Variants in ZFPM1 observed in about 807,000 individuals in gnomAD.
The protein encoded by ZFPM1 is zinc finger protein ZFPM1.
Under a neutral mutation model 46.3 loss-of-function variants are expected in ZFPM1, and 28 were observed. That is an observed-to-expected ratio of 0.60 (90% CI 0.45 to 0.83). The LOEUF (loss-of-function observed/expected upper bound fraction) is 0.83, where lower values mean the gene tolerates loss of function less well. Ranked by LOEUF, ZFPM1 falls within the 40% of genes least tolerant of loss-of-function variation. The probability of loss-of-function intolerance (pLI) is 0.00; values close to 1 mark genes in which losing one functional copy is unlikely to be tolerated. For synonymous variants in ZFPM1, 957 were observed against 675.9 expected, an observed-to-expected ratio of 1.42 and a Z score of -6.45; for missense variants, 1,878 against 1,432.4, an observed-to-expected ratio of 1.31 and a Z score of -5.02.
chr16:88,516,244 G>A (rs1911288849), intron 4 of ZFPM1: 1 of 398,542 alleles, frequency 2.5e-6, no homozygotes, highest in African/African-American at 2.1e-5. Context: ...GTAGGGCTGA[G>A]GGGCTGGCAC....
intron 6 of ZFPM1, among the ~76,000 whole-genome samples, chr16:88,531,613 A>C (rs1912789747): frequency 6.6e-6 from 1 of 152,196 alleles, no homozygotes; most frequent in African/African-American, 2.4e-5. Flanking sequence ...CTGTACACAC[A>C]CGTTTCCTCT....
chr16:88,523,222 A>T (rs931035344), intron 4 of ZFPM1, among the ~76,000 whole-genome samples: 1 of 151,392 alleles, frequency 6.6e-6, no homozygotes, highest in Non-Finnish European at 1.5e-5. Context: ...AAAAAAAAAA[A>T]TAGGCCCCCT....
At chr16:88,516,745 G>A (rs1036458766) in intron 4 of ZFPM1, 6 of 394,802 alleles carry the variant, frequency 1.5e-5, no homozygotes, top group Admixed American at 8.9e-5. Flanking sequence ...TGAGGAGGAC[G>A]TTGCCTCCTG....
chr16:88,462,793 G>A (rs565233611), intron 1 of ZFPM1, among the ~76,000 whole-genome samples: 43 of 152,050 alleles, frequency 2.8e-4, no homozygotes, highest in African/African-American at 9.7e-4. Context: ...AGGGTTGCCC[G>A]GTCTTCGTGC....
chr16:88,487,681 G>T (rs949708473), intron 2 of ZFPM1, among the ~76,000 whole-genome samples: 1 of 152,132 alleles, frequency 6.6e-6, no homozygotes, highest in African/African-American at 2.4e-5. Context: ...GGTCCCCGCT[G>T]GGTGGGCCGC....
intron 6 of ZFPM1, 116 bp downstream of exon 6, chr16:88,528,354 G>A: frequency 8.3e-7 from 1 of 1,201,490 alleles, no homozygotes; most frequent in Non-Finnish European, 1.1e-6. Flanking sequence ...TGCCGACAGA[G>A]TGAGAGGTAA....
intron 2 of ZFPM1, among the ~76,000 whole-genome samples, chr16:88,487,128 G>A (rs1349044882): frequency 6.6e-6 from 1 of 152,178 alleles, no homozygotes; most frequent in Non-Finnish European, 1.5e-5. Flanking sequence ...AAGGAGGCCT[G>A]CTGGAGCCAG....
chr16:88,518,420 A>T (rs1911501277), intron 4 of ZFPM1, among the ~76,000 whole-genome samples: 1 of 100,552 alleles, frequency 9.9e-6, no homozygotes, highest in African/African-American at 3.1e-5. Context: ...TGGATGGATG[A>T]TGGGTGGATG....
chr16:88,505,238 G>A (rs566290151), intron 3 of ZFPM1, among the ~76,000 whole-genome samples: 59 of 152,292 alleles, frequency 3.9e-4, no homozygotes, highest in African/African-American at 1.4e-3. Flanking sequence ...CCAAGCCATG[G>A]CCCCTGAGCC....
chr16:88,535,259 G>C lies in ZFPM1; in HGVS notation c.*280G>C. The C allele has an allele frequency of 3.5e-6, 1 of 283,720 alleles. No homozygotes were observed. Among genetic ancestry groups the C allele is most frequent in the Non-Finnish European group, 6.5e-6 (1 of 152,966 alleles). 17.6% of individuals were successfully genotyped at this position (283,720 alleles called of 1,614,324 possible). On this transcript the variant is annotated 3_prime_UTR_variant, in exon 10 of 10. Transcript: ENST00000319555. ...TGTGTACACAGGCCACTGCGGCCCG[G>C]AGTGGCTGGGCCCCTGCCGGAGTTA...
intron 6 of ZFPM1, among the ~76,000 whole-genome samples, chr16:88,531,635 C>T (rs1441431162): frequency 6.6e-6 from 1 of 152,214 alleles, no homozygotes; most frequent in Non-Finnish European, 1.5e-5. Context: ...CCACGGCCTC[C>T]CGGGTCCACA....
chr16:88,503,332 G>T (rs1297760569), intron 3 of ZFPM1, among the ~76,000 whole-genome samples: 2 of 145,270 alleles, frequency 1.4e-5, no homozygotes, highest in Admixed American at 6.8e-5. Context: ...TGAGTGGAGG[G>T]ATCTGTGTCT....
intron 1 of ZFPM1, among the ~76,000 whole-genome samples, chr16:88,482,208 T>C (rs1388311058): frequency 2.0e-5 from 3 of 151,944 alleles, no homozygotes; most frequent in Admixed American, 6.5e-5. Context: ...GGCTCACAGA[T>C]GCCCCCAGCC....
intron 3 of ZFPM1, among the ~76,000 whole-genome samples, chr16:88,496,445 C>T (rs1196779113): frequency 6.6e-6 from 1 of 152,050 alleles, no homozygotes; most frequent in Non-Finnish European, 1.5e-5. Context: ...AAGCAATCCT[C>T]ATGAAGCCCA....
At chr16:88,502,818 C>T (rs534638181) in intron 3 of ZFPM1, among the ~76,000 whole-genome samples, 15 of 152,362 alleles carry the variant, frequency 9.8e-5, no homozygotes, top group South Asian at 6.2e-4. Flanking sequence ...TGTCTTGCCA[C>T]GTTTCTTCCA....
chr16:88,501,000 G>C (rs967719096), intron 3 of ZFPM1, among the ~76,000 whole-genome samples: 5 of 152,132 alleles, frequency 3.3e-5, no homozygotes, highest in Non-Finnish European at 7.4e-5. Flanking sequence ...CCCCACACTG[G>C]CCTGACTTCT....
chr16:88,532,313 C>T, intron 7 of ZFPM1, 78 bp downstream of exon 7: 4 of 1,365,632 alleles, frequency 2.9e-6, no homozygotes, highest in Non-Finnish European at 4.0e-6. Context: ...CCCGGGAAAA[C>T]CCACATGCAA....
chr16:88,463,554 G>A (rs979635429), intron 1 of ZFPM1, among the ~76,000 whole-genome samples: 5 of 152,394 alleles, frequency 3.3e-5, no homozygotes, highest in East Asian at 3.9e-4. Flanking sequence ...GTGGCCTCAC[G>A]TCCTTCTCCC....
rs569205132 is a variant in ZFPM1, at chr16:88,471,298, C to T, written c.41-14641C>T. 3.3e-4 allele frequency among the ~76,000 whole-genome samples: 50 copies of T among 152,380 alleles called. No homozygotes were observed. In the East Asian group the frequency reaches 4.0e-3, roughly 12 times the overall value. ...CTCCACCCTCGCGAAGGCCAGCGGCCGCAGGGTCTGGCTTGGGCTATAGCA... is the reference window on the plus strand; with the variant it reads ...CTCCACCCTCGCGAAGGCCAGCGGCTGCAGGGTCTGGCTTGGGCTATAGCA... On this transcript the variant is annotated intron_variant, in intron 1 of 9. Transcript: ENST00000319555. The surrounding 1 kb of genome is among the most constrained non-coding windows in gnomAD (Gnocchi z 4.1).
Sources: allele counts gnomAD v4.1 joint callset (sites outside exome capture counted in the v4.1 genomes callset), GRCh38; gene constraint gnomAD v4.1.1; non-coding constraint Gnocchi (gnomAD v3.1); transcripts MANE v1.5; gene names NCBI Gene and HGNC (gene_info 2026-07-23, HGNC 2026-07-21).